The following MYT1L variants were observed in gnomAD, a reference collection of about 807,000 sequenced individuals.
MYT1L encodes the protein myelin transcription factor 1-like protein.
In MYT1L, 12 loss-of-function variants were observed where a neutral mutation model predicts 126.7. The ratio of observed to expected loss-of-function variants is 0.09; its 90% CI spans 0.06 to 0.15. The LOEUF (loss-of-function observed/expected upper bound fraction) is 0.15. MYT1L is among the 10% of genes least tolerant of loss of function. The probability of loss-of-function intolerance (pLI) is 1.00; values close to 1 mark genes in which losing one functional copy is unlikely to be tolerated. For missense variants in MYT1L, 979 were observed against 1,585.2 expected (o/e 0.62, Z 6.49); for synonymous variants, 541 against 604.2 (o/e 0.90, Z 1.53).
rs749540955 is a variant in MYT1L, at chr2:1,922,869, G to A, written c.900C>T (p.Val300=). The A allele has an allele frequency of 1.2e-6, 2 of 1,613,946 alleles. No homozygotes were observed. The highest frequency in any genetic ancestry group is 8.5e-7 in the Non-Finnish European group (1 of 1,179,896). The change falls in exon 10 of 25, where the codon GTC becomes GTT. Residue 300 remains valine, a synonymous_variant. Transcript: ENST00000647738. This position sits in a 1 kb window ranked among gnomAD's most constrained non-coding sequence, Gnocchi z 7.4. ...SQQDSRNMNY[V]MLGKPMNNGL... ...CGTTGTTCATGGGCTTCCCCAACAT[G>A]ACGTAATTCATATTTCTACTGTCTT...
At chr2:1,856,122 A>G (rs950128564) in intron 18 of MYT1L, among the ~76,000 whole-genome samples, 40 of 152,366 alleles carry the variant, frequency 2.6e-4, no homozygotes, top group African/African-American at 8.9e-4. Context: ...ACAAGAAAAC[A>G]AAAAGTAAAA....
intron 21 of MYT1L, among the ~76,000 whole-genome samples, chr2:1,829,944 A>C (rs1469148792): frequency 6.6e-6 from 1 of 152,208 alleles, no homozygotes; most frequent in Non-Finnish European, 1.5e-5. Context: ...ATCTCCTCTT[A>C]TAAAATGTAT....
intron 3 of MYT1L, among the ~76,000 whole-genome samples, chr2:2,081,019 G>A (rs2075769433): frequency 6.6e-6 from 1 of 152,172 alleles, no homozygotes; most frequent in Non-Finnish European, 1.5e-5. Flanking sequence ...GCAGAATCAA[G>A]GGTGACCACT....
At position 2,269,055 on chromosome 2, in the gene MYT1L, A is replaced by T. The variant is rs576349388; in HGVS notation, c.-421+15349T>A. Among the ~76,000 whole-genome samples, 6 of 152,226 alleles carry T rather than the reference A, an allele frequency of 3.9e-5. No individual in the cohort carries two copies. The South Asian group carries it at 1.0e-3, about 26-fold the overall frequency. ...AGCTGTGTTTCTCTTCCATCAGCCCAGTCTCCTGTGTGTGGGGTGCACCCA... is the reference window on the plus strand; with the variant it reads ...AGCTGTGTTTCTCTTCCATCAGCCCTGTCTCCTGTGTGTGGGGTGCACCCA... On this transcript the variant is annotated intron_variant, in intron 2 of 24. Coordinates refer to ENST00000647738, the MANE Select transcript of MYT1L (RefSeq NM_001303052.2).
In MYT1L at chr2:2,038,774, C is replaced by T. The variant is rs1227229971; in HGVS notation, c.-158+15204G>A. On this transcript the variant is annotated intron_variant, in intron 4 of 24. Coordinates refer to ENST00000647738, the MANE Select transcript of MYT1L (RefSeq NM_001303052.2). ...GCCCTGGTTGATGTGTCCAGCTGTCCCTCACACACCCTCTTCCCTGCTGGA... is the reference window on the plus strand; with the variant it reads ...GCCCTGGTTGATGTGTCCAGCTGTCTCTCACACACCCTCTTCCCTGCTGGA... 1.6e-4 allele frequency among the ~76,000 whole-genome samples: 25 copies of T among 152,020 alleles called. 1 individual carries two copies. Among genetic ancestry groups the T allele is most frequent in the Admixed American group, 1.6e-3 (25 of 15,262 alleles).
chr2:1,929,287 A>C lies in MYT1L; in HGVS notation c.506-6024T>G, dbSNP rs1312400938. On this transcript the variant is annotated intron_variant, in intron 9 of 24. Transcript: ENST00000647738. The surrounding 1 kb of genome is among the most constrained non-coding windows in gnomAD (Gnocchi z 4.7). ...ACATGGCCTGGCTCCGGGATCAGCT[A>C]TTCTCACTTCCAGCACGAGATCCCC... Among the ~76,000 whole-genome samples the C allele has an allele frequency of 6.6e-6, 1 of 151,982 alleles. No individual in the cohort carries two copies. The highest frequency in any genetic ancestry group is 2.4e-5 in the African/African-American group (1 of 41,382).
At chr2:1,933,813 G>A (rs78072501) in intron 9 of MYT1L, among the ~76,000 whole-genome samples, 143 of 152,276 alleles carry the variant, frequency 9.4e-4, no homozygotes, top group Admixed American at 1.6e-3. Flanking sequence ...CAACCCACAT[G>A]CGATTGGTGT....
intron 9 of MYT1L, among the ~76,000 whole-genome samples, chr2:1,931,390 G>A (rs2054961908): frequency 2.0e-5 from 3 of 151,772 alleles, no homozygotes; most frequent in Non-Finnish European, 4.4e-5. Context: ...CGATGCCCAC[G>A]TCTGCTGCGC....
intron 18 of MYT1L, among the ~76,000 whole-genome samples, chr2:1,853,637 T>G (rs530571850): frequency 3.9e-5 from 6 of 152,158 alleles, no homozygotes; most frequent in African/African-American, 1.4e-4. Flanking sequence ...AACAAATTTT[T>G]CCTACCAGCC....
chr2:2,245,058 T>A (rs2094507568), intron 2 of MYT1L, among the ~76,000 whole-genome samples: 1 of 152,172 alleles, frequency 6.6e-6, no homozygotes, highest in African/African-American at 2.4e-5. Context: ...ATGCTCAGAT[T>A]AACAACACAG....
In MYT1L at chr2:1,922,214, T is replaced by C. The variant is rs1434408887; in HGVS notation, c.1483+72A>G. On this transcript the variant is annotated intron_variant, in intron 10 of 24. Coordinates refer to ENST00000647738, the MANE Select transcript of MYT1L (RefSeq NM_001303052.2). The surrounding 1 kb of genome is among the most constrained non-coding windows in gnomAD (Gnocchi z 7.4). ...TTCAGTGTGAGTCACACTTTAACTG[T>C]AGACTACCACCAACATCCTTTACCC... is the stretch of plus-strand genomic sequence containing the variant. The C allele has an allele frequency of 6.5e-7, 1 of 1,550,114 alleles. No homozygotes were observed. The highest frequency in any genetic ancestry group is 1.2e-5 in the South Asian group (1 of 80,588).
At position 1,791,468 on chromosome 2, in the gene MYT1L, G is replaced by C; in HGVS notation, c.*399C>G. 8.7e-6 allele frequency: 3 copies of C among 344,686 alleles called. No homozygotes were observed. Among genetic ancestry groups the C allele is most frequent in the South Asian group, 7.0e-5 (3 of 42,646 alleles). The allele number at this position is 344,686 out of a possible 1,614,324, so 21.4% of individuals were successfully genotyped here. On this transcript the variant is annotated 3_prime_UTR_variant, in exon 25 of 25. Transcript: ENST00000647738. This position sits in a 1 kb window ranked among gnomAD's most constrained non-coding sequence, Gnocchi z 6.0. ...CATGATCATTCAAAGCTGTGGGTCT[G>C]TGTGTGCGTGTGTGTGTTTGTGTGT...
intron 2 of MYT1L, among the ~76,000 whole-genome samples, chr2:2,230,460 C>T (rs753394443): frequency 4.5e-4 from 69 of 152,212 alleles, no homozygotes; most frequent in Non-Finnish European, 8.4e-4. Context: ...GATTATGAAT[C>T]GCCAATGTAC....
At chr2:2,099,139 A>AT (rs199775648) in intron 3 of MYT1L, among the ~76,000 whole-genome samples, 197 of 149,792 alleles carry the variant, frequency 1.3e-3, no homozygotes, top group East Asian at 4.9e-3. Flanking sequence ...TCTTTTGTCC[A>AT]TTTTTTTTTT....
chr2:1,926,251 A>T (rs2149132550), intron 9 of MYT1L, among the ~76,000 whole-genome samples: 1 of 152,276 alleles, frequency 6.6e-6, no homozygotes, highest in African/African-American at 2.4e-5. Context: ...GCTCCTAATT[A>T]TGTGGGCTCA....
chr2:1,956,585 T>TA (rs2058476681), intron 8 of MYT1L, among the ~76,000 whole-genome samples: 1 of 144,392 alleles, frequency 6.9e-6, no homozygotes, highest in Non-Finnish European at 1.5e-5. Context: ...TCTATCTATC[T>TA]ATCTATCTAT....
intron 3 of MYT1L, among the ~76,000 whole-genome samples, chr2:2,101,018 T>C (rs931481452): frequency 6.6e-6 from 1 of 151,606 alleles, no homozygotes; most frequent in African/African-American, 2.4e-5. Flanking sequence ...ATAAGCAGTT[T>C]GTTTCTAGAT....
intron 8 of MYT1L, among the ~76,000 whole-genome samples, chr2:1,969,717 C>T (rs2059663664): frequency 6.6e-6 from 1 of 152,230 alleles, no homozygotes; most frequent in African/African-American, 2.4e-5. Flanking sequence ...CTTCAGGGAG[C>T]TTCCAGAAAG....
intron 2 of MYT1L, among the ~76,000 whole-genome samples, chr2:2,226,405 T>C (rs1217971250): frequency 1.3e-5 from 2 of 152,198 alleles, no homozygotes; most frequent in African/African-American, 2.4e-5. Context: ...TCCACCTTCA[T>C]TGAAGTGTTT....
Sources: gnomAD v4.1 joint callset for allele counts (sites outside exome capture counted in the v4.1 genomes callset) on GRCh38, gnomAD v4.1.1 for gene constraint, Gnocchi (gnomAD v3.1) non-coding constraint, MANE v1.5 for transcripts, NCBI Gene and HGNC (gene_info 2026-07-23, HGNC 2026-07-21) for gene names.